The following LMF1 variants were observed in gnomAD, a reference collection of about 807,000 sequenced individuals.
The protein encoded by LMF1 is lipase maturation factor 1, also known as transmembrane protein 112.
LMF1 carries 68 observed loss-of-function variants against 60.6 expected under a neutral mutation model. That is an observed-to-expected ratio of 1.12 (90% confidence interval 0.92 to 1.37). LMF1 has a LOEUF of 1.37. Ranked by LOEUF, LMF1 falls within the 40% of genes most tolerant of loss-of-function variation. The probability of loss-of-function intolerance (pLI) is 0.00; values close to 1 mark genes in which losing one functional copy is unlikely to be tolerated. For synonymous variants in LMF1, 418 were observed against 324.7 expected (o/e 1.29, Z -3.09); for missense variants, 948 against 767.2 (o/e 1.24, Z -2.78).
At chr16:919,884 C>A (rs1194232833) in intron 3 of LMF1, among the ~76,000 whole-genome samples, 1 of 152,092 alleles carries the variant, frequency 6.6e-6, no homozygotes, top group Admixed American at 6.5e-5. Flanking sequence ...CGCCCCGGGA[C>A]CCCCTTCCTC....
intron 3 of LMF1, among the ~76,000 whole-genome samples, chr16:917,347 G>A (rs1257713586): frequency 2.2e-5 from 2 of 89,778 alleles, no homozygotes; most frequent in Non-Finnish European, 4.1e-5. Flanking sequence ...CACTGCGGGT[G>A]GGCGCAGGCC....
At chr16:861,695 G>C (rs1007946433) in intron 10 of LMF1, among the ~76,000 whole-genome samples, 3 of 152,154 alleles carry the variant, frequency 2.0e-5, no homozygotes, top group Non-Finnish European at 4.4e-5. Context: ...TGGATACCTT[G>C]GGATTTCCTA....
Position 897,241 on chromosome 16 carries a change from GAGA to G in LMF1, c.664-4172_664-4170del, listed in dbSNP as rs1052594746. On this transcript the variant is annotated intron_variant, in intron 4 of 10. Coordinates refer to ENST00000262301, the MANE Select transcript of LMF1 (RefSeq NM_022773.4). The surrounding 1 kb of genome is among the most constrained non-coding windows in gnomAD (Gnocchi z 4.3). ...CGAAGTGTCTTGACGGTCGTATGCG[GAGA>G]AGGAGACACTCTGTGGAGACCCCGC... Among the ~76,000 whole-genome samples, 50 of 152,348 alleles carry G rather than the reference GAGA, an allele frequency of 3.3e-4. No individual in the cohort carries two copies. The highest frequency in any genetic ancestry group is 1.2e-3 in the African/African-American group (48 of 41,576).
At chr16:935,657 C>T (rs1025278369) in intron 2 of LMF1, among the ~76,000 whole-genome samples, 4 of 151,870 alleles carry the variant, frequency 2.6e-5, no homozygotes, top group South Asian at 2.1e-4. Flanking sequence ...CGCGTGTGGA[C>T]AAGCTTGCTT....
chr16:868,211 C>G (rs997089071), intron 10 of LMF1, among the ~76,000 whole-genome samples: 1 of 152,078 alleles, frequency 6.6e-6, no homozygotes, highest in African/African-American at 2.4e-5. Flanking sequence ...ACCCTGGGCC[C>G]CACCCCACAC....
chr16:886,139 G>A (rs1043734866), intron 5 of LMF1, among the ~76,000 whole-genome samples: 2 of 152,228 alleles, frequency 1.3e-5, no homozygotes, highest in Non-Finnish European at 2.9e-5. Flanking sequence ...CCGTAGGGTA[G>A]TGGGTGATCA....
At chr16:934,874 C>T (rs1419994275) in intron 2 of LMF1, among the ~76,000 whole-genome samples, 3 of 152,206 alleles carry the variant, frequency 2.0e-5, no homozygotes, top group Admixed American at 2.0e-4. Context: ...CACCCCACCT[C>T]ACAGCAAGAC....
At chr16:916,970 T>TCCCA (rs2071295729) in intron 3 of LMF1, among the ~76,000 whole-genome samples, 2 of 152,228 alleles carry the variant, frequency 1.3e-5, no homozygotes, top group African/African-American at 4.8e-5. Flanking sequence ...TCCGGGTCTG[T>TCCCA]TACGGCTATT....
intron 2 of LMF1, among the ~76,000 whole-genome samples, chr16:944,381 G>C (rs2072185430): frequency 6.6e-6 from 1 of 152,238 alleles, no homozygotes; most frequent in Admixed American, 6.5e-5. Flanking sequence ...GGTGATGTCT[G>C]TGTTAGCTCC....
intron 6 of LMF1, among the ~76,000 whole-genome samples, chr16:875,676 C>A (rs1365007140): frequency 2.0e-5 from 3 of 152,174 alleles, no homozygotes; most frequent in African/African-American, 4.8e-5. Context: ...CACTGCCAGG[C>A]AGCCACGGAG....
At chr16:938,974 G>A (rs1021788952) in intron 2 of LMF1, among the ~76,000 whole-genome samples, 38 of 152,174 alleles carry the variant, frequency 2.5e-4, no homozygotes, top group East Asian at 3.9e-4. Context: ...AGCAAAGTCC[G>A]TGCATACAGA....
intron 4 of LMF1, among the ~76,000 whole-genome samples, chr16:906,834 G>GA (rs1376170062): frequency 2.0e-5 from 3 of 152,074 alleles, no homozygotes; most frequent in Admixed American, 6.6e-5. Context: ...TCTGTTTCTG[G>GA]AAAAAACAAT....
At chr16:940,350 G>C (rs942587634) in intron 2 of LMF1, among the ~76,000 whole-genome samples, 2 of 152,092 alleles carry the variant, frequency 1.3e-5, no homozygotes, top group Non-Finnish European at 2.9e-5. Flanking sequence ...AACTGGTTTG[G>C]ACATATCTCC....
intron 2 of LMF1, chr16:947,721 G>A (rs1188710875): frequency 5.2e-6 from 2 of 382,368 alleles, no homozygotes; most frequent in Admixed American, 3.2e-5. Context: ...CAGCCTGCAG[G>A]GCCACTGCCA....
At chr16:931,596 G>C in intron 3 of LMF1, 1 of 1,271,952 alleles carries the variant, frequency 7.9e-7, no homozygotes, top group Non-Finnish European at 1.0e-6. Context: ...TGACCTTCCA[G>C]TGCCTTTGGT....
chr16:894,769 C>T (rs756079375), intron 4 of LMF1, among the ~76,000 whole-genome samples: 7 of 152,224 alleles, frequency 4.6e-5, no homozygotes, highest in Admixed American at 6.5e-5. Context: ...GGGACACTTT[C>T]GTAATGGCCG....
At chr16:949,791 GA>G (rs1282941387) in intron 2 of LMF1, among the ~76,000 whole-genome samples, 1 of 111,136 alleles carries the variant, frequency 9.0e-6, no homozygotes, top group African/African-American at 4.8e-5. Context: ...GACAGAGTCA[GA>G]GCCAACGACA....
intron 2 of LMF1, among the ~76,000 whole-genome samples, chr16:943,237 G>C (rs1349352308): frequency 6.6e-6 from 1 of 151,970 alleles, no homozygotes; most frequent in Non-Finnish European, 1.5e-5. Context: ...CAGGTGTGGT[G>C]GTGGGCGCCT....
chr16:860,358 G>C (rs963214038), intron 10 of LMF1, among the ~76,000 whole-genome samples: 17 of 128,386 alleles, frequency 1.3e-4, no homozygotes, highest in Admixed American at 4.1e-4. Context: ...TTTTTTTTTT[G>C]AGATGGGCTC....
Sources: gnomAD v4.1 joint callset for allele counts (sites outside exome capture counted in the v4.1 genomes callset) on GRCh38, gnomAD v4.1.1 for gene constraint, Gnocchi (gnomAD v3.1) non-coding constraint, MANE v1.5 for transcripts, NCBI Gene and HGNC (gene_info 2026-07-23, HGNC 2026-07-21) for gene names.